Variants in SYN3 observed in about 807,000 individuals in gnomAD.
SYN3 encodes the protein synapsin-3.
In SYN3, 35 loss-of-function variants were observed where a neutral mutation model predicts 65.8. The ratio of observed to expected loss-of-function variants is 0.53; its 90% CI spans 0.41 to 0.70. SYN3 has a LOEUF of 0.70. Ranked by LOEUF, SYN3 falls within the 30% of genes least tolerant of loss-of-function variation. The probability of loss-of-function intolerance (pLI) is 0.00; values close to 1 mark genes in which losing one functional copy is unlikely to be tolerated. For synonymous variants in SYN3, 270 were observed against 292.9 expected, an observed-to-expected ratio of 0.92 and a Z score of 0.80; for missense variants, 680 against 749.0, an observed-to-expected ratio of 0.91 and a Z score of 1.08.
At chr22:32,788,496 G>A (rs2046246606) in intron 6 of SYN3, among the ~76,000 whole-genome samples, 1 of 151,668 alleles carries the variant, frequency 6.6e-6, no homozygotes, top group African/African-American at 2.4e-5. Context: ...AGCAGAGATC[G>A]TGCCACTGCA....
chr22:32,682,403 T>C (rs952250722), intron 6 of SYN3, among the ~76,000 whole-genome samples: 3 of 152,088 alleles, frequency 2.0e-5, no homozygotes, highest in East Asian at 1.9e-4. Context: ...GGCTGCTGTA[T>C]TGAGAATAGA....
At chr22:33,012,756 T>C (rs1305664343) in intron 1 of SYN3, among the ~76,000 whole-genome samples, 1 of 152,238 alleles carries the variant, frequency 6.6e-6, no homozygotes. Context: ...TGTGAGCTTA[T>C]ACTCTGCCCC....
Position 32,780,068 on chromosome 22 carries a change from C to CAAAAAAAAAAAAAAAAAAA in SYN3, c.711+84846_711+84847insTTTTTTTTTTTTTTTTTTT, listed in dbSNP as rs130536. ...TGGGTGACAGAGTGAGATTCTGTCT[C>CAAAAAAAAAAAAAAAAAAA]AAAAAAAAAAAGAGAGAGAAAAAAA... On this transcript the variant is annotated intron_variant, in intron 6 of 13. Coordinates refer to ENST00000358763, the MANE Select transcript of SYN3 (RefSeq NM_003490.4). 6.9e-5 allele frequency among the ~76,000 whole-genome samples: 5 copies of CAAAAAAAAAAAAAAAAAAA among 72,584 alleles called. 1 individual carries two copies. Among genetic ancestry groups the CAAAAAAAAAAAAAAAAAAA allele is most frequent in the Non-Finnish European group, 1.2e-4 (5 of 41,936 alleles). 47.6% of individuals were successfully genotyped at this position (72,584 alleles called of 152,430 possible).
At chr22:32,993,925 G>A (rs1317314175) in intron 2 of SYN3, among the ~76,000 whole-genome samples, 1 of 152,164 alleles carries the variant, frequency 6.6e-6, no homozygotes, top group Non-Finnish European at 1.5e-5. Flanking sequence ...ACTCTCTTCT[G>A]CTCAAAGCCA....
At position 32,509,600 on chromosome 22, in the gene SYN3, A is replaced by G. The variant is rs61125547; in HGVS notation, c.*4092T>C. On this transcript the variant is annotated 3_prime_UTR_variant, in exon 14 of 14. Coordinates refer to ENST00000358763, the MANE Select transcript of SYN3 (RefSeq NM_003490.4). ...TATTATTATTTTGAGACAGAGTCTC[A>G]CTCTGTTGCCCAGGCTGGAGTGCAG... Among the ~76,000 whole-genome samples the G allele has an allele frequency of 4.4e-3, 666 of 151,662 alleles. 5 individuals carry two copies. Among genetic ancestry groups the G allele is most frequent in the African/African-American group, 0.015 (638 of 41,218 alleles).
At chr22:32,557,445 C>T (rs1028510656) in intron 7 of SYN3, among the ~76,000 whole-genome samples, 19 of 152,196 alleles carry the variant, frequency 1.2e-4, no homozygotes, top group African/African-American at 4.6e-4. Context: ...CTCATTTTCA[C>T]ACTCATTCTT....
chr22:32,572,275 C>CTTCCTGCCTTTCCT (rs2058772293), intron 7 of SYN3, among the ~76,000 whole-genome samples: 1 of 39,202 alleles, frequency 2.6e-5, no homozygotes, highest in Non-Finnish European at 5.4e-5. Flanking sequence ...TCCTTCCCCC[C>CTTCCTGCCTTTCCT]TCCCTCCCTC....
intron 6 of SYN3, among the ~76,000 whole-genome samples, chr22:32,658,757 G>T (rs961811344): frequency 6.6e-6 from 1 of 152,172 alleles, no homozygotes; most frequent in East Asian, 1.9e-4. Context: ...AAAAAGGGAC[G>T]TTGAGCTGGA....
At chr22:32,551,008 T>A (rs1203028253) in intron 7 of SYN3, among the ~76,000 whole-genome samples, 1 of 152,310 alleles carries the variant, frequency 6.6e-6, no homozygotes. Flanking sequence ...GACAAAAAGA[T>A]CATTGGTCAT....
At chr22:32,798,792 C>T (rs749809950) in intron 6 of SYN3, among the ~76,000 whole-genome samples, 4 of 149,594 alleles carry the variant, frequency 2.7e-5, no homozygotes, top group Non-Finnish European at 5.9e-5. Context: ...CCCAGGTTCA[C>T]GCCATTCTCC....
intron 6 of SYN3, among the ~76,000 whole-genome samples, chr22:32,699,750 C>G (rs2060786737): frequency 1.3e-5 from 2 of 152,160 alleles, no homozygotes; most frequent in South Asian, 4.2e-4. Context: ...CAGGGCCTCT[C>G]CTCTAGAGAG....
chr22:33,040,706 C>T (rs1273117290), intron 1 of SYN3, among the ~76,000 whole-genome samples: 1 of 152,112 alleles, frequency 6.6e-6, no homozygotes, highest in Non-Finnish European at 1.5e-5. Flanking sequence ...TTTTCCCATA[C>T]TGTTCTCGTG....
chr22:32,645,206 G>C (rs59374110), intron 6 of SYN3, among the ~76,000 whole-genome samples: 1 of 152,180 alleles, frequency 6.6e-6, no homozygotes. Context: ...AATTAAATGA[G>C]AGCTAAGGGC....
At chr22:32,598,002 T>C (rs1233060567) in intron 6 of SYN3, among the ~76,000 whole-genome samples, 2 of 152,202 alleles carry the variant, frequency 1.3e-5, no homozygotes, top group Non-Finnish European at 2.9e-5. Context: ...GGTGTTTTCT[T>C]GATTTCTAGA....
chr22:32,952,628 T>C (rs562059995), intron 3 of SYN3, among the ~76,000 whole-genome samples: 3 of 152,212 alleles, frequency 2.0e-5, no homozygotes, highest in South Asian at 2.1e-4. Context: ...TGGTGGTGCA[T>C]GCCTATCGTC....
intron 6 of SYN3, among the ~76,000 whole-genome samples, chr22:32,826,157 G>T (rs573808204): frequency 6.6e-6 from 1 of 152,166 alleles, no homozygotes; most frequent in Non-Finnish European, 1.5e-5. Flanking sequence ...AGCCTGGTGT[G>T]GTGGCTCACG....
chr22:32,710,778 C>A (rs192267937), intron 6 of SYN3, among the ~76,000 whole-genome samples: 6 of 152,248 alleles, frequency 3.9e-5, no homozygotes, highest in Admixed American at 2.6e-4. Context: ...TTCCGAGAAA[C>A]CAAGCAGATG....
At chr22:32,568,356 T>G (rs1453393852) in intron 7 of SYN3, among the ~76,000 whole-genome samples, 1 of 152,196 alleles carries the variant, frequency 6.6e-6, no homozygotes, top group Non-Finnish European at 1.5e-5. Context: ...TTATTGAGGG[T>G]ACTGTGCTAG....
chr22:32,952,230 C>CTG (rs933833475), intron 3 of SYN3, among the ~76,000 whole-genome samples: 2 of 151,082 alleles, frequency 1.3e-5, no homozygotes, highest in South Asian at 2.1e-4. Flanking sequence ...CATAGCATGC[C>CTG]TGTGTGTGTG....
Sources: allele counts gnomAD v4.1 joint callset (sites outside exome capture counted in the v4.1 genomes callset), GRCh38; gene constraint gnomAD v4.1.1; transcripts MANE v1.5; gene names NCBI Gene and HGNC (gene_info 2026-07-23, HGNC 2026-07-21).